The following SNX29 variants were observed in gnomAD, a reference collection of about 807,000 sequenced individuals.
The protein encoded by SNX29 is sorting nexin-29.
In SNX29, 78 loss-of-function variants were observed where a neutral mutation model predicts 102.1. The ratio of observed to expected loss-of-function variants is 0.76; its 90% CI spans 0.64 to 0.92. The LOEUF is 0.92. Ranked by LOEUF, SNX29 falls within the 40% of genes least tolerant of loss-of-function variation. SNX29 has a pLI of 0.00. For missense variants in SNX29, 1,280 were observed against 1,061.7 expected (o/e 1.21, Z -2.86); for synonymous variants, 580 against 414.5 (o/e 1.40, Z -4.85).
chr16:12,158,508 T>C (rs1475022935), intron 13 of SNX29, among the ~76,000 whole-genome samples: 1 of 152,180 alleles, frequency 6.6e-6, no homozygotes, highest in Non-Finnish European at 1.5e-5. Flanking sequence ...CCGGTTTTAA[T>C]TGTCACAGAT....
At chr16:12,024,480 C>G (rs545670016) in intron 3 of SNX29, among the ~76,000 whole-genome samples, 1 of 152,238 alleles carries the variant, frequency 6.6e-6, no homozygotes, top group South Asian at 2.1e-4. Flanking sequence ...GATACGTGCT[C>G]AGATCCAAAC....
In SNX29 at chr16:12,555,196, G is replaced by A. The variant is rs544325183; in HGVS notation, c.2319-13310G>A. ...TGGGGTTACTCAGGTGTGGCATGCA[G>A]ACTGGACTATGGGCAGCTGCTGGGT... On this transcript the variant is annotated intron_variant, in intron 20 of 20. Coordinates refer to ENST00000566228, the MANE Select transcript of SNX29 (RefSeq NM_032167.5). 2.0e-5 allele frequency among the ~76,000 whole-genome samples: 3 copies of A among 151,980 alleles called. No homozygotes were observed. In the East Asian group the frequency reaches 6.0e-4, roughly 30 times the overall value.
intron 11 of SNX29, among the ~76,000 whole-genome samples, chr16:12,125,525 C>G (rs1166482225): frequency 1.3e-5 from 2 of 150,096 alleles, no homozygotes; most frequent in African/African-American, 4.9e-5. Flanking sequence ...GGGTCGGCAT[C>G]CATCGTCCTC....
intron 13 of SNX29, among the ~76,000 whole-genome samples, chr16:12,153,966 C>T (rs2055418877): frequency 6.6e-6 from 1 of 152,168 alleles, no homozygotes; most frequent in Non-Finnish European, 1.5e-5. Flanking sequence ...AGACGGTGTC[C>T]TCCCGCTTTG....
intron 14 of SNX29, among the ~76,000 whole-genome samples, chr16:12,238,752 C>T (rs1048083367): frequency 6.6e-6 from 1 of 152,140 alleles, no homozygotes; most frequent in African/African-American, 2.4e-5. Context: ...GAGATATGGC[C>T]CTGGTGGCTT....
intron 15 of SNX29, among the ~76,000 whole-genome samples, chr16:12,338,795 C>T (rs977279654): frequency 1.8e-4 from 27 of 152,334 alleles, no homozygotes; most frequent in Middle Eastern, 3.4e-3. Flanking sequence ...TCCCCACCCC[C>T]AGACCCACCT....
At chr16:12,214,765 C>A (rs565191370) in intron 14 of SNX29, among the ~76,000 whole-genome samples, 8 of 152,192 alleles carry the variant, frequency 5.3e-5, no homozygotes, top group Non-Finnish European at 8.8e-5. Context: ...ATGCCTGGCA[C>A]ACCACACTGA....
intron 13 of SNX29, among the ~76,000 whole-genome samples, chr16:12,193,654 G>A (rs754368540): frequency 2.0e-5 from 3 of 152,092 alleles, no homozygotes; most frequent in Non-Finnish European, 4.4e-5. Flanking sequence ...TTGTGGTCCA[G>A]TTTTACTTAA....
intron 15 of SNX29, among the ~76,000 whole-genome samples, chr16:12,335,014 C>T (rs1306683220): frequency 6.9e-6 from 1 of 145,808 alleles, no homozygotes; most frequent in African/African-American, 2.5e-5. Flanking sequence ...CGTCAGAAAA[C>T]AAACCCTGCC....
intron 20 of SNX29, among the ~76,000 whole-genome samples, chr16:12,541,541 T>C (rs1047536816): frequency 2.6e-5 from 4 of 151,938 alleles, no homozygotes; most frequent in African/African-American, 7.2e-5. Context: ...TAGTTGTTCA[T>C]CAGCCTCCCT....
intron 14 of SNX29, among the ~76,000 whole-genome samples, chr16:12,216,250 C>T (rs1332348388): frequency 6.6e-6 from 1 of 152,130 alleles, no homozygotes; most frequent in Non-Finnish European, 1.5e-5. Flanking sequence ...ATATATTTTT[C>T]CGAGTAGGTA....
chr16:12,110,532 C>T (rs1218352013), intron 11 of SNX29, among the ~76,000 whole-genome samples: 2 of 152,256 alleles, frequency 1.3e-5, no homozygotes, highest in East Asian at 3.9e-4. Context: ...AAGGGACGGC[C>T]TTTTGCTAGG....
At chr16:12,003,742 C>T (rs1322581018) in intron 3 of SNX29, among the ~76,000 whole-genome samples, 4 of 152,316 alleles carry the variant, frequency 2.6e-5, no homozygotes, top group Non-Finnish European at 4.4e-5. Flanking sequence ...TGCGGTGGCT[C>T]ATGCCAATAA....
chr16:12,352,654 C>G (rs1430775983), intron 15 of SNX29, among the ~76,000 whole-genome samples: 1 of 152,224 alleles, frequency 6.6e-6, no homozygotes, highest in Non-Finnish European at 1.5e-5. Context: ...AAGTTGTGCA[C>G]CTTGCAAGCA....
At chr16:12,565,038 C>T (rs1236939746) in intron 20 of SNX29, among the ~76,000 whole-genome samples, 1 of 152,006 alleles carries the variant, frequency 6.6e-6, no homozygotes, top group East Asian at 1.9e-4. Context: ...ATGAGCCTGG[C>T]ACTGGCTTCA....
intron 18 of SNX29, among the ~76,000 whole-genome samples, chr16:12,459,717 A>G (rs1046246775): frequency 6.6e-6 from 1 of 152,178 alleles, no homozygotes; most frequent in East Asian, 1.9e-4. Flanking sequence ...GCAGAGCAGC[A>G]TGGCCTCGCA....
intron 13 of SNX29, among the ~76,000 whole-genome samples, chr16:12,147,370 T>C (rs2055107501): frequency 1.3e-5 from 2 of 152,184 alleles, no homozygotes; most frequent in South Asian, 2.1e-4. Context: ...CCCATAAATA[T>C]GACAGAACTC....
rs774147020 is a variant in SNX29 at position 11,976,781 on chromosome 16, C to T, written c.-26C>T. The T allele has an allele frequency of 4.5e-6, 6 of 1,346,984 alleles. No homozygotes were observed. The highest frequency in any genetic ancestry group is 5.7e-6 in the Non-Finnish European group (6 of 1,047,812). 83.4% of individuals were successfully genotyped at this position (1,346,984 alleles called of 1,614,324 possible). A position where few individuals can be genotyped will look rare whatever the true frequency, so the allele number is the denominator to read the frequency against. On this transcript the variant is annotated 5_prime_UTR_variant, in exon 1 of 21. Coordinates refer to ENST00000566228, the MANE Select transcript of SNX29 (RefSeq NM_032167.5). ...AAGCGGCAGCGGCGGCGGCGCGGCG[C>T]AGGCACCGGCCCGGGGAGAGGCACC...
intron 16 of SNX29, among the ~76,000 whole-genome samples, chr16:12,379,754 A>C (rs1192993111): frequency 6.6e-6 from 1 of 152,062 alleles, no homozygotes. Flanking sequence ...CTTGGGTTTG[A>C]TCACTGTGAG....
Sources: allele counts gnomAD v4.1 joint callset (sites outside exome capture counted in the v4.1 genomes callset), GRCh38; gene constraint gnomAD v4.1.1; transcripts MANE v1.5; gene names NCBI Gene and HGNC (gene_info 2026-07-23, HGNC 2026-07-21).